Variants in CRIM1 observed in about 807,000 individuals in gnomAD.
CRIM1 encodes the protein cysteine-rich motor neuron 1 protein.
CRIM1 carries 32 observed loss-of-function variants against 116.4 expected under a neutral mutation model. The observed-to-expected ratio is 0.27, with a 90% CI of 0.21 to 0.37. The LOEUF (loss-of-function observed/expected upper bound fraction) is 0.37, where lower values mean the gene tolerates loss of function less well. Among genes scored for constraint, CRIM1 ranks in the 10% least tolerant of loss-of-function variants. The pLI, the probability that CRIM1 is intolerant of heterozygous loss-of-function variation, is 1.00. For missense variants in CRIM1, 1,331 were observed against 1,354.8 expected (o/e 0.98, Z 0.28); for synonymous variants, 590 against 509.2 (o/e 1.16, Z -2.13).
intron 2 of CRIM1, 124 bp downstream of exon 2, chr2:36,396,911 C>G (rs1415196903): frequency 1.2e-6 from 1 of 809,296 alleles, no homozygotes; most frequent in African/African-American, 1.7e-5. Context: ...TTTGTATAAT[C>G]CCAACTAAGA....
At position 36,464,671 on chromosome 2, in the gene CRIM1, C is replaced by A; in HGVS notation, c.991+16C>A. 1 of 1,613,578 alleles carries A rather than the reference C, an allele frequency of 6.2e-7. No homozygotes were observed. The highest frequency in any genetic ancestry group is 8.5e-7 in the Non-Finnish European group (1 of 1,179,602). ...TGTGTTAATGGTACGTGGGGTTTCT[C>A]TTGTTCTCAGAGAGTGTACATTTGT... On this transcript the variant is annotated intron_variant, in intron 5 of 16. Coordinates refer to ENST00000280527, the MANE Select transcript of CRIM1 (RefSeq NM_016441.3).
At chr2:36,499,887 A>T (rs1680866222) in intron 8 of CRIM1, among the ~76,000 whole-genome samples, 1 of 152,148 alleles carries the variant, frequency 6.6e-6, no homozygotes, top group Admixed American at 6.5e-5. Flanking sequence ...ACCATTTCGA[A>T]TTCCCCTAAT....
intron 8 of CRIM1, among the ~76,000 whole-genome samples, chr2:36,505,085 C>T (rs1273695416): frequency 6.6e-6 from 1 of 152,172 alleles, no homozygotes; most frequent in Non-Finnish European, 1.5e-5. Flanking sequence ...GAGGCAGGCT[C>T]CTTGTTTTAT....
rs1558384577 is a variant in CRIM1 at position 36,510,059 on chromosome 2, C to T, written c.1578C>T (p.Asn526=). 6.2e-7 allele frequency: 1 copy of T among 1,614,164 alleles called. No individual in the cohort carries two copies. Among genetic ancestry groups the T allele is most frequent in the Admixed American group, 1.7e-5 (1 of 60,028 alleles). ...CPFGFLTDAQ[N]CEICECRPRP... Reference sequence around the variant, plus strand: ...TCGGTTTCCTTACTGATGCCCAAAACTGTGAGATCTGTGAGTGCCGCCCAA... The same window carrying T: ...TCGGTTTCCTTACTGATGCCCAAAATTGTGAGATCTGTGAGTGCCGCCCAA... The change falls in exon 9 of 17, where the codon AAC becomes AAT. Residue 526 remains asparagine, a synonymous_variant. Transcript: ENST00000280527.
At chr2:36,468,471 G>A (rs567949967) in intron 5 of CRIM1, among the ~76,000 whole-genome samples, 8 of 152,172 alleles carry the variant, frequency 5.3e-5, no homozygotes, top group Non-Finnish European at 1.0e-4. Flanking sequence ...GACAAGCGCC[G>A]AAAGGAGAAC....
At chr2:36,533,209 T>C (rs1040149899) in intron 13 of CRIM1, among the ~76,000 whole-genome samples, 1 of 152,178 alleles carries the variant, frequency 6.6e-6, no homozygotes, top group South Asian at 2.1e-4. Context: ...CCTTTAAACC[T>C]GGTAGCTTCC....
At chr2:36,407,014 A>G (rs1162627593) in intron 2 of CRIM1, among the ~76,000 whole-genome samples, 1 of 152,172 alleles carries the variant, frequency 6.6e-6, no homozygotes, top group African/African-American at 2.4e-5. Flanking sequence ...AAAGGAAAAC[A>G]CGTTTAACCT....
At chr2:36,357,053 C>G (rs1038039476) in intron 1 of CRIM1, among the ~76,000 whole-genome samples, 5 of 152,222 alleles carry the variant, frequency 3.3e-5, no homozygotes, top group Non-Finnish European at 5.9e-5. Flanking sequence ...CCGTGAGCCG[C>G]ACGCCGGCCG....
At chr2:36,522,469 G>T (rs1000810667) in intron 13 of CRIM1, among the ~76,000 whole-genome samples, 156 bp downstream of exon 13, 1 of 152,142 alleles carries the variant, frequency 6.6e-6, no homozygotes, top group African/African-American at 2.4e-5. Flanking sequence ...GCAGAAGAAA[G>T]ATATGGAAGA....
Position 36,396,774 on chromosome 2 carries a change from A to G in CRIM1, c.492A>G (p.Leu164=). 3 of 1,610,030 alleles carry G rather than the reference A, an allele frequency of 1.9e-6. No individual in the cohort carries two copies. The East Asian group carries it at 6.7e-5, about 36-fold the overall frequency. The change falls in exon 2 of 17, where the codon TTA becomes TTG. Residue 164 remains leucine (L), a synonymous_variant. Coordinates refer to ENST00000280527, the MANE Select transcript of CRIM1 (RefSeq NM_016441.3). ...FPSQDMCLSA[L]KRIEEEKPDC... Reference sequence around the variant, plus strand: ...GTCAGGATATGTGCCTTTCAGCTTTAAAGAGAATTGAAGGTAAGCATTAAT... The same window carrying G: ...GTCAGGATATGTGCCTTTCAGCTTTGAAGAGAATTGAAGGTAAGCATTAAT...
At position 36,365,118 on chromosome 2, in the gene CRIM1, T is replaced by C. The variant is rs544023134; in HGVS notation, c.331+8495T>C. 1.8e-4 allele frequency among the ~76,000 whole-genome samples: 27 copies of C among 152,218 alleles called. No homozygotes were observed. The South Asian group carries it at 5.4e-3, about 30-fold the overall frequency. On this transcript the variant is annotated intron_variant, in intron 1 of 16. Coordinates refer to ENST00000280527, the MANE Select transcript of CRIM1 (RefSeq NM_016441.3). Reference sequence around the variant, plus strand: ...AGTACCGAGAACAGGGGGCTGGGAATACAGGGTCTATGCACCAAGGAAACA... The same window carrying C: ...AGTACCGAGAACAGGGGGCTGGGAACACAGGGTCTATGCACCAAGGAAACA...
intron 1 of CRIM1, among the ~76,000 whole-genome samples, chr2:36,371,207 C>G (rs1227260141): frequency 6.6e-6 from 1 of 152,144 alleles, no homozygotes; most frequent in Non-Finnish European, 1.5e-5. Context: ...TATGCTCTTT[C>G]CTTTGTGAAG....
chr2:36,522,377 C>G, intron 13 of CRIM1, 64 bp downstream of exon 13: 3 of 1,233,172 alleles, frequency 2.4e-6, no homozygotes, highest in Non-Finnish European at 3.6e-6. Flanking sequence ...TATTGACAGC[C>G]ATTTGCTAGA....
chr2:36,361,682 C>T (rs531076885), intron 1 of CRIM1, among the ~76,000 whole-genome samples: 18 of 152,286 alleles, frequency 1.2e-4, no homozygotes, highest in African/African-American at 3.6e-4. Context: ...GTGTGCTTAA[C>T]ATCTCCCAGG....
intron 4 of CRIM1, among the ~76,000 whole-genome samples, chr2:36,453,913 C>A (rs1236200262): frequency 6.6e-6 from 1 of 152,186 alleles, no homozygotes; most frequent in Non-Finnish European, 1.5e-5. Flanking sequence ...GATTTTTCGA[C>A]TTGTAATGTG....
chr2:36,374,608 T>C (rs1323224216), intron 1 of CRIM1, among the ~76,000 whole-genome samples: 1 of 152,238 alleles, frequency 6.6e-6, no homozygotes, highest in Non-Finnish European at 1.5e-5. Flanking sequence ...AATTGGGTTG[T>C]ACTGACTGCA....
At chr2:36,393,534 G>A (rs573970529) in intron 1 of CRIM1, among the ~76,000 whole-genome samples, 28 of 152,104 alleles carry the variant, frequency 1.8e-4, no homozygotes, top group African/African-American at 6.0e-4. Context: ...ATATGCATAT[G>A]TGAGGCTTCT....
Position 36,550,302 on chromosome 2 carries a change from A to T in CRIM1, c.*1601A>T, listed in dbSNP as rs1667677423. ...TGGAATATTGTCCACAATAAGCTGG[A>T]AGTTTGTTGTAGTATGCCTCAAATA... On this transcript the variant is annotated 3_prime_UTR_variant, in exon 17 of 17. Transcript: ENST00000280527. The T allele has an allele frequency of 6.6e-6, 1 of 151,032 alleles. No individual in the cohort carries two copies. The highest frequency in any genetic ancestry group is 1.5e-5 in the Non-Finnish European group (1 of 67,834). The allele number at this position is 151,032 out of a possible 1,614,324, so 9.4% of individuals were successfully genotyped here.
At chr2:36,366,405 T>G (rs1469866643) in intron 1 of CRIM1, among the ~76,000 whole-genome samples, 1 of 151,788 alleles carries the variant, frequency 6.6e-6, no homozygotes, top group Non-Finnish European at 1.5e-5. Flanking sequence ...CTTCTGAATA[T>G]TTAAGAAAAA....
Sources: allele counts gnomAD v4.1 joint callset (sites outside exome capture counted in the v4.1 genomes callset), GRCh38; gene constraint gnomAD v4.1.1; transcripts MANE v1.5; gene names NCBI Gene and HGNC (gene_info 2026-07-23, HGNC 2026-07-21).